TEAD1: variants seen among roughly 807,000 people sequenced by gnomAD.
TEAD1 encodes the protein transcriptional enhancer factor TEF-1.
In TEAD1, 9 loss-of-function variants were observed where a neutral mutation model predicts 54.9. The observed-to-expected ratio is 0.16, with a 90% CI of 0.10 to 0.29. The LOEUF is 0.29. Among genes scored for constraint, TEAD1 ranks in the 10% least tolerant of loss-of-function variants. TEAD1 has a pLI of 1.00. For synonymous variants in TEAD1, 200 were observed against 187.8 expected (o/e 1.07, Z -0.53); for missense variants, 387 against 535.9 (o/e 0.72, Z 2.74).
At chr11:12,726,184 G>C (rs1944307501) in intron 2 of TEAD1, among the ~76,000 whole-genome samples, 1 of 152,200 alleles carries the variant, frequency 6.6e-6, no homozygotes, top group Non-Finnish European at 1.5e-5. Context: ...CATAGGTGGG[G>C]CACATAACTA....
chr11:12,795,524 G>A (rs1945898054), intron 3 of TEAD1, among the ~76,000 whole-genome samples: 1 of 152,174 alleles, frequency 6.6e-6, no homozygotes, highest in Non-Finnish European at 1.5e-5. Flanking sequence ...GACCAGGATT[G>A]GAACTCAGGC....
chr11:12,861,520 T>C (rs1052372816), intron 3 of TEAD1, among the ~76,000 whole-genome samples: 5 of 152,158 alleles, frequency 3.3e-5, no homozygotes, highest in African/African-American at 9.7e-5. Flanking sequence ...GAGTAAACTA[T>C]GAGTAGAAAC....
chr11:12,689,022 T>TG (rs1007872387), intron 2 of TEAD1, among the ~76,000 whole-genome samples: 138 of 152,182 alleles, frequency 9.1e-4, no homozygotes, highest in South Asian at 2.9e-3. Flanking sequence ...TGTTTTTTTT[T>TG]TTGTTGTTGT....
At chr11:12,786,718 CAA>C (rs1371920171) in intron 3 of TEAD1, among the ~76,000 whole-genome samples, 1 of 152,038 alleles carries the variant, frequency 6.6e-6, no homozygotes, top group Non-Finnish European at 1.5e-5. Flanking sequence ...CAACAACAGA[CAA>C]GAGTTGGTGA....
At chr11:12,898,269 T>A (rs1189284113) in intron 9 of TEAD1, among the ~76,000 whole-genome samples, 1 of 152,188 alleles carries the variant, frequency 6.6e-6, no homozygotes, top group African/African-American at 2.4e-5. Context: ...GTTTCTTTTT[T>A]CTTTACTAGG....
intron 2 of TEAD1, among the ~76,000 whole-genome samples, chr11:12,725,539 A>C (rs1474313558): frequency 6.6e-6 from 1 of 152,216 alleles, no homozygotes; most frequent in African/African-American, 2.4e-5. Context: ...CCCTGACTTG[A>C]TCATTACATA....
intron 3 of TEAD1, among the ~76,000 whole-genome samples, chr11:12,781,785 A>G (rs559669144): frequency 2.6e-5 from 4 of 151,698 alleles, no homozygotes; most frequent in Non-Finnish European, 4.4e-5. Flanking sequence ...CTCACCATAG[A>G]GTTATTATAG....
chr11:12,786,352 C>T (rs1362802903), intron 3 of TEAD1, among the ~76,000 whole-genome samples: 2 of 152,152 alleles, frequency 1.3e-5, no homozygotes, highest in East Asian at 1.9e-4. Context: ...GGAAATGGTT[C>T]TTCACTGGGT....
chr11:12,923,783 C>T (rs765569270), intron 10 of TEAD1, among the ~76,000 whole-genome samples: 1 of 152,218 alleles, frequency 6.6e-6, no homozygotes, highest in Non-Finnish European at 1.5e-5. Flanking sequence ...CTTATAGCAG[C>T]GTTAACCCAT....
At chr11:12,914,552 C>G (rs769484251) in intron 10 of TEAD1, among the ~76,000 whole-genome samples, 4 of 152,224 alleles carry the variant, frequency 2.6e-5, no homozygotes, top group African/African-American at 9.6e-5. Flanking sequence ...GGAGCTGTCT[C>G]ACGGTTGGCC....
chr11:12,855,945 C>CT (rs1442994483), intron 3 of TEAD1, among the ~76,000 whole-genome samples: 6 of 123,476 alleles, frequency 4.9e-5, no homozygotes, highest in African/African-American at 1.9e-4. Context: ...TAGACCTTGT[C>CT]TTAAAAAAAA....
intron 3 of TEAD1, among the ~76,000 whole-genome samples, chr11:12,828,833 G>T (rs1254892585): frequency 7.7e-5 from 10 of 130,192 alleles, no homozygotes; most frequent in Admixed American, 1.5e-4. Flanking sequence ...TGACTCTTTT[G>T]TCCTGAATTT....
At chr11:12,888,671 C>CA (rs1211424116) in intron 9 of TEAD1, among the ~76,000 whole-genome samples, 3 of 152,236 alleles carry the variant, frequency 2.0e-5, no homozygotes, top group Non-Finnish European at 4.4e-5. Flanking sequence ...GACTTCCTCA[C>CA]AACCCCACCA....
intron 9 of TEAD1, among the ~76,000 whole-genome samples, chr11:12,900,275 G>A (rs905926499): frequency 5.3e-5 from 8 of 151,628 alleles, no homozygotes; most frequent in Non-Finnish European, 1.2e-4. Flanking sequence ...TGTCCAGGCT[G>A]GTCTCAAACT....
intron 5 of TEAD1, among the ~76,000 whole-genome samples, chr11:12,869,089 G>C (rs1307808239): frequency 6.6e-6 from 1 of 152,160 alleles, no homozygotes; most frequent in East Asian, 1.9e-4. Flanking sequence ...TGGGAGGTAA[G>C]ACTGGAGGAG....
intron 7 of TEAD1, among the ~76,000 whole-genome samples, chr11:12,881,322 C>T (rs1423894217): frequency 6.6e-6 from 1 of 152,154 alleles, no homozygotes; most frequent in Non-Finnish European, 1.5e-5. Flanking sequence ...CCTCTTCCTT[C>T]ATGGTATTGA....
At chr11:12,712,193 GTCCATCCA>G (rs574149662) in intron 2 of TEAD1, among the ~76,000 whole-genome samples, 1 of 152,028 alleles carries the variant, frequency 6.6e-6, no homozygotes, top group African/African-American at 2.4e-5. Context: ...CCGTCTGCCC[GTCCATCCA>G]TCCATCCATC....
intron 2 of TEAD1, among the ~76,000 whole-genome samples, chr11:12,726,502 A>G (rs1190504449): frequency 6.6e-6 from 1 of 152,158 alleles, no homozygotes; most frequent in African/African-American, 2.4e-5. Context: ...CTGGGTTGGG[A>G]TGTGTCATAA....
At chr11:12,739,689 C>A (rs890825983) in intron 2 of TEAD1, among the ~76,000 whole-genome samples, 1 of 152,306 alleles carries the variant, frequency 6.6e-6, no homozygotes, top group African/African-American at 2.4e-5. Context: ...ATTCACTGAT[C>A]AACACATTAA....
Sources: gnomAD v4.1 joint callset for allele counts (sites outside exome capture counted in the v4.1 genomes callset) on GRCh38, gnomAD v4.1.1 for gene constraint, MANE v1.5 for transcripts, NCBI Gene and HGNC (gene_info 2026-07-23, HGNC 2026-07-21) for gene names.